NR5A2: variants seen among roughly 807,000 people sequenced by gnomAD.
The protein encoded by NR5A2 is nuclear receptor subfamily 5 group A member 2.
NR5A2 carries 26 observed loss-of-function variants against 62.7 expected under a neutral mutation model. The observed-to-expected ratio is 0.41, with a 90% confidence interval of 0.30 to 0.58. The LOEUF (loss-of-function observed/expected upper bound fraction) is 0.58, where lower values mean the gene tolerates loss of function less well. NR5A2 is among the 20% of genes least tolerant of loss of function. The pLI, the probability that NR5A2 is intolerant of heterozygous loss-of-function variation, is 0.22. For synonymous variants in NR5A2, 246 were observed against 241.7 expected, an observed-to-expected ratio of 1.02 and a Z score of -0.16; for missense variants, 541 against 669.1, an observed-to-expected ratio of 0.81 and a Z score of 2.11.
intron 5 of NR5A2, among the ~76,000 whole-genome samples, chr1:200,056,541 G>A (rs775123538): frequency 1.3e-5 from 2 of 151,928 alleles, no homozygotes; most frequent in African/African-American, 4.8e-5. Context: ...TGTCCTTAGA[G>A]TTTTTTTTGT....
chr1:200,133,562 C>CAT (rs71132669), intron 7 of NR5A2, among the ~76,000 whole-genome samples: 9,178 of 138,766 alleles, frequency 0.066, 597 homozygotes, highest in African/African-American at 0.18. Flanking sequence ...TATATACACA[C>CAT]ATATATATAT....
At chr1:200,117,297 T>C (rs894832937) in intron 6 of NR5A2, among the ~76,000 whole-genome samples, 4 of 152,228 alleles carry the variant, frequency 2.6e-5, no homozygotes, top group Admixed American at 6.5e-5. Context: ...GAGATCTGAA[T>C]GTTGTTTCAA....
intron 2 of NR5A2, chr1:200,043,038 A>T: frequency 1.0e-6 from 1 of 976,058 alleles, no homozygotes; most frequent in Non-Finnish European, 1.2e-6. Context: ...TGAAACCAAA[A>T]CCCTTCTGTG....
chr1:200,034,076 A>G (rs936376580), intron 1 of NR5A2, among the ~76,000 whole-genome samples: 3 of 152,222 alleles, frequency 2.0e-5, no homozygotes, highest in African/African-American at 7.2e-5. Flanking sequence ...ATCGCCGGAT[A>G]CATTTAAATG....
intron 5 of NR5A2, among the ~76,000 whole-genome samples, chr1:200,063,138 C>T (rs921382299): frequency 6.6e-6 from 1 of 152,016 alleles, no homozygotes; most frequent in Non-Finnish European, 1.5e-5. Context: ...ATTCTCCTGC[C>T]TCAGCCTCCT....
intron 7 of NR5A2, among the ~76,000 whole-genome samples, chr1:200,168,855 T>C (rs17727243): frequency 0.08 from 12,224 of 152,238 alleles, 624 homozygotes; most frequent in Middle Eastern, 0.11. Context: ...CTTTAAAAAA[T>C]AATTTTGAAC....
intron 5 of NR5A2, among the ~76,000 whole-genome samples, chr1:200,101,901 G>T (rs1398142735): frequency 6.6e-6 from 1 of 152,196 alleles, no homozygotes; most frequent in African/African-American, 2.4e-5. Context: ...TAAATTCTGA[G>T]AATGTAGCTA....
At chr1:200,146,122 A>G (rs1288504902) in intron 7 of NR5A2, among the ~76,000 whole-genome samples, 3 of 152,222 alleles carry the variant, frequency 2.0e-5, no homozygotes, top group African/African-American at 7.2e-5. Context: ...AAGAAACAAG[A>G]TTAGTAAATA....
In NR5A2 at chr1:200,043,871, C is replaced by A. The variant is rs144195644; in HGVS notation, c.300C>A (p.Leu100=). The part of the protein sequence containing the change: ...GDKVSGYHYG[L]LTCESCKGFF... ...AAGTGTCTGGGTACCATTATGGGCT[C>A]CTCACCTGTGAAAGCTGCAAGGTTT... The change falls in exon 3 of 8, where the codon CTC becomes CTA. Residue 100 remains leucine, a synonymous_variant. Transcript: ENST00000367362. 4.3e-5 allele frequency: 69 copies of A among 1,612,170 alleles called. No individual in the cohort carries two copies. The African/African-American group carries it at 8.8e-4, about 21-fold the overall frequency.
chr1:200,062,049 A>G (rs556992724), intron 5 of NR5A2, among the ~76,000 whole-genome samples: 1 of 152,224 alleles, frequency 6.6e-6, no homozygotes, highest in African/African-American at 2.4e-5. Context: ...TCTTTGCTTT[A>G]CTTTTAAGCA....
chr1:200,046,163 TG>T (rs1205930635), intron 4 of NR5A2, among the ~76,000 whole-genome samples: 2 of 152,084 alleles, frequency 1.3e-5, no homozygotes, highest in African/African-American at 2.4e-5. Context: ...AATAAAAAAT[TG>T]AGAATCAGGA....
In NR5A2 at chr1:200,039,016, C is replaced by A. The variant is rs1054087234; in HGVS notation, c.65-642C>A. On this transcript the variant is annotated intron_variant, in intron 1 of 7. Transcript: ENST00000367362. This position sits in a 1 kb window ranked among gnomAD's most constrained non-coding sequence, Gnocchi z 5.1. Reference sequence around the variant, plus strand: ...CTCCTTCTCCCCCTCGTCTTCCCCCCTGTCCTTCCCAGCACCGTCACCCTC... The same window carrying A: ...CTCCTTCTCCCCCTCGTCTTCCCCCATGTCCTTCCCAGCACCGTCACCCTC... 1.3e-5 allele frequency among the ~76,000 whole-genome samples: 2 copies of A among 152,040 alleles called. No individual in the cohort carries two copies. Among genetic ancestry groups the A allele is most frequent in the Non-Finnish European group, 2.9e-5 (2 of 67,994 alleles).
chr1:200,040,783 T>C (rs1226575049), intron 2 of NR5A2, among the ~76,000 whole-genome samples: 1 of 152,246 alleles, frequency 6.6e-6, no homozygotes, highest in South Asian at 2.1e-4. Context: ...TGGTGCACTC[T>C]GCGGTGCTGA....
intron 1 of NR5A2, among the ~76,000 whole-genome samples, chr1:200,035,147 T>G (rs1435413125): frequency 2.0e-5 from 3 of 152,128 alleles, no homozygotes; most frequent in Non-Finnish European, 4.4e-5. Flanking sequence ...CGGGCTATCC[T>G]GGCCTAGTAA....
intron 5 of NR5A2, among the ~76,000 whole-genome samples, chr1:200,106,740 C>T (rs1665688454): frequency 6.6e-6 from 1 of 152,158 alleles, no homozygotes; most frequent in East Asian, 1.9e-4. Context: ...TTTCTACCCA[C>T]ACCCCCATAA....
intron 5 of NR5A2, among the ~76,000 whole-genome samples, chr1:200,077,028 A>G (rs897804050): frequency 4.6e-5 from 7 of 152,250 alleles, no homozygotes; most frequent in Admixed American, 3.9e-4. Flanking sequence ...TCCTTTTTCA[A>G]GAAAAAACCT....
chr1:200,052,842 G>A lies in NR5A2; in HGVS notation c.1110+4024G>A, dbSNP rs573439997. On this transcript the variant is annotated intron_variant, in intron 5 of 7. Transcript: ENST00000367362. ...TTTTTAGTAGAGACGGTGTTTCACC[G>A]TGTTAGCCAGGATGGTCTTGATCTC... Among the ~76,000 whole-genome samples the A allele has an allele frequency of 5.5e-4, 84 of 152,168 alleles. 1 individual carries two copies. Among genetic ancestry groups the A allele is most frequent in the Middle Eastern group, 3.4e-3 (1 of 294 alleles).
intron 5 of NR5A2, among the ~76,000 whole-genome samples, chr1:200,083,730 GC>G (rs2102238890): frequency 6.6e-6 from 1 of 152,222 alleles, no homozygotes; most frequent in African/African-American, 2.4e-5. Context: ...ACTTTGGGAG[GC>G]TGAGGCAGGT....
At chr1:200,082,515 A>C (rs1664343571) in intron 5 of NR5A2, among the ~76,000 whole-genome samples, 2 of 152,196 alleles carry the variant, frequency 1.3e-5, no homozygotes, top group Admixed American at 6.5e-5. Context: ...CATATGAGTC[A>C]AACCGAAAAA....
Sources: allele counts gnomAD v4.1 joint callset (sites outside exome capture counted in the v4.1 genomes callset), GRCh38; gene constraint gnomAD v4.1.1; non-coding constraint Gnocchi (gnomAD v3.1); transcripts MANE v1.5; gene names NCBI Gene and HGNC (gene_info 2026-07-23, HGNC 2026-07-21).